CSMD3: variants seen among roughly 807,000 people sequenced by gnomAD.
CSMD3 encodes the protein CUB and Sushi multiple domains 3, also known as CUB and sushi domain-containing protein 3.
In CSMD3, 177 loss-of-function variants were observed where a neutral mutation model predicts 435.2. That is an observed-to-expected ratio of 0.41 (90% CI 0.36 to 0.46). The LOEUF (loss-of-function observed/expected upper bound fraction) is 0.46, where lower values mean the gene tolerates loss of function less well. Ranked by LOEUF, CSMD3 falls within the 20% of genes least tolerant of loss-of-function variation. The probability of loss-of-function intolerance (pLI) is 0.34; values close to 1 mark genes in which losing one functional copy is unlikely to be tolerated. For synonymous variants in CSMD3, 1,656 were observed against 1,520.5 expected, an observed-to-expected ratio of 1.09 and a Z score of -2.07; for missense variants, 4,265 against 4,504.6, an observed-to-expected ratio of 0.95 and a Z score of 1.52.
At chr8:112,245,921 C>T (rs1454818075) in intron 64 of CSMD3, among the ~76,000 whole-genome samples, 1 of 152,174 alleles carries the variant, frequency 6.6e-6, no homozygotes, top group African/African-American at 2.4e-5. Context: ...TACAGTCTGT[C>T]TCTACTGCCA....
At chr8:112,241,214 G>A (rs1379680275) in intron 66 of CSMD3, among the ~76,000 whole-genome samples, 1 of 151,968 alleles carries the variant, frequency 6.6e-6, no homozygotes, top group Non-Finnish European at 1.5e-5. Context: ...ACAAGTCAGA[G>A]AGTATATAAA....
rs1374435704 is a variant in CSMD3, at chr8:112,255,513, A to C, written c.9863-86T>G. 7 of 1,141,584 alleles carry C rather than the reference A, an allele frequency of 6.1e-6. No homozygotes were observed. The East Asian group carries it at 1.4e-4, about 23-fold the overall frequency. 70.7% of individuals were successfully genotyped at this position (1,141,584 alleles called of 1,614,324 possible). A position where few individuals can be genotyped will look rare whatever the true frequency, so the allele number is the denominator to read the frequency against. ...TGGAAAAATGGTGACAATCAATTTGAATATTGTACTAAAGAGATATATTAT... is the reference window on the plus strand; with the variant it reads ...TGGAAAAATGGTGACAATCAATTTGCATATTGTACTAAAGAGATATATTAT... On this transcript the variant is annotated intron_variant, in intron 61 of 70. Transcript: ENST00000297405.
intron 3 of CSMD3, among the ~76,000 whole-genome samples, chr8:113,214,084 G>A (rs2092871620): frequency 6.6e-6 from 1 of 151,932 alleles, no homozygotes; most frequent in South Asian, 2.1e-4. Flanking sequence ...GGATAAAAAT[G>A]GCAGTTAGAA....
chr8:112,830,595 G>A (rs2355824), intron 11 of CSMD3, among the ~76,000 whole-genome samples: 77,282 of 151,596 alleles, frequency 0.51, 20,138 homozygotes, highest in East Asian at 0.76. Flanking sequence ...CATGCTTTGA[G>A]CAAAAAATAA....
chr8:113,311,868 A>C (rs1352246706), intron 2 of CSMD3: 1 of 152,150 alleles, frequency 6.6e-6, no homozygotes, highest in Non-Finnish European at 1.5e-5. Context: ...TATAACATAG[A>C]CTACATGTTA....
At chr8:112,364,607 C>T (rs1372770338) in intron 38 of CSMD3, among the ~76,000 whole-genome samples, 1 of 152,012 alleles carries the variant, frequency 6.6e-6, no homozygotes. Flanking sequence ...AGGACATATT[C>T]ATATTACAAT....
intron 3 of CSMD3, among the ~76,000 whole-genome samples, chr8:113,218,505 A>C (rs940488980): frequency 6.6e-6 from 1 of 150,832 alleles, no homozygotes; most frequent in Non-Finnish European, 1.5e-5. Flanking sequence ...TGACCAATTG[A>C]ACTTATCCCA....
At chr8:113,353,027 A>C (rs1174843850) in intron 1 of CSMD3, among the ~76,000 whole-genome samples, 1 of 152,188 alleles carries the variant, frequency 6.6e-6, no homozygotes, top group Non-Finnish European at 1.5e-5. Flanking sequence ...GAATAAGACA[A>C]GGAAATAGGC....
intron 7 of CSMD3, among the ~76,000 whole-genome samples, chr8:112,971,568 C>T (rs1444215524): frequency 6.6e-6 from 1 of 152,082 alleles, no homozygotes; most frequent in Non-Finnish European, 1.5e-5. Flanking sequence ...AACTACTTTG[C>T]AAATATAAAA....
At chr8:112,493,461 C>T (rs922499671) in intron 30 of CSMD3, among the ~76,000 whole-genome samples, 2 of 151,928 alleles carry the variant, frequency 1.3e-5, no homozygotes, top group Non-Finnish European at 2.9e-5. Flanking sequence ...AATAAAAGGC[C>T]CTATTTGTCT....
chr8:112,989,728 C>T (rs954260462), intron 6 of CSMD3, among the ~76,000 whole-genome samples: 3 of 152,072 alleles, frequency 2.0e-5, no homozygotes, highest in South Asian at 2.1e-4. Context: ...CAACAGAGTG[C>T]AGCAAAAGGG....
chr8:113,164,822 T>C (rs1056685630), intron 4 of CSMD3, among the ~76,000 whole-genome samples: 9 of 152,108 alleles, frequency 5.9e-5, no homozygotes, highest in Admixed American at 5.9e-4. Context: ...TCCCCAGTGA[T>C]TGCTGTAAAA....
chr8:112,424,158 T>C (rs13275968), intron 32 of CSMD3, among the ~76,000 whole-genome samples: 37,539 of 151,832 alleles, frequency 0.25, 5,220 homozygotes, highest in African/African-American at 0.37. Context: ...TCACCTCCAC[T>C]CCTCCCAACC....
chr8:112,818,124 A>AT, intron 12 of CSMD3, among the ~76,000 whole-genome samples: 1 of 152,040 alleles, frequency 6.6e-6, no homozygotes, highest in African/African-American at 2.4e-5. Flanking sequence ...TAAGTAATTG[A>AT]TTTTACCTTT....
intron 10 of CSMD3, among the ~76,000 whole-genome samples, chr8:112,870,525 C>A (rs1458656905): frequency 6.6e-6 from 1 of 151,900 alleles, no homozygotes. Flanking sequence ...ATCCACCCAC[C>A]TCGGCCTCCC....
chr8:112,605,181 G>T (rs189729157), intron 22 of CSMD3, among the ~76,000 whole-genome samples: 1 of 152,214 alleles, frequency 6.6e-6, no homozygotes, highest in Non-Finnish European at 1.5e-5. Flanking sequence ...ATTGCTGGTG[G>T]GTATGTAAGT....
chr8:112,526,407 C>G (rs1416909065), intron 27 of CSMD3, among the ~76,000 whole-genome samples: 3 of 152,020 alleles, frequency 2.0e-5, no homozygotes, highest in Non-Finnish European at 4.4e-5. Context: ...CTCTCTCTCT[C>G]TCTCACACAA....
chr8:112,433,013 T>C (rs546521779), intron 32 of CSMD3, among the ~76,000 whole-genome samples: 9 of 152,182 alleles, frequency 5.9e-5, no homozygotes, highest in Non-Finnish European at 8.8e-5. Context: ...TTAACTTTTT[T>C]TGTAACTATT....
At chr8:112,295,070 A>G (rs764503114) in intron 54 of CSMD3, among the ~76,000 whole-genome samples, 1 of 152,052 alleles carries the variant, frequency 6.6e-6, no homozygotes, top group African/African-American at 2.4e-5. Flanking sequence ...CTTTCTCCCT[A>G]GTCCCCAGAG....
Sources: allele counts gnomAD v4.1 joint callset (sites outside exome capture counted in the v4.1 genomes callset), GRCh38; gene constraint gnomAD v4.1.1; transcripts MANE v1.5; gene names NCBI Gene and HGNC (gene_info 2026-07-23, HGNC 2026-07-21).